Variants in ACACA observed in about 807,000 individuals in gnomAD.
ACACA encodes acetyl-CoA carboxylase alpha.
A neutral mutation model predicts 296.1 loss-of-function variants in ACACA; 103 were observed. The observed-to-expected ratio is 0.35, with a 90% confidence interval of 0.30 to 0.41. ACACA has a LOEUF of 0.41. Ranked by LOEUF, ACACA falls within the 10% of genes least tolerant of loss-of-function variation. The probability of loss-of-function intolerance (pLI) is 1.00; values close to 1 mark genes in which losing one functional copy is unlikely to be tolerated. For missense variants in ACACA, 1,554 were observed against 2,989.7 expected (o/e 0.52, Z 11.20); for synonymous variants, 953 against 1,038.6 (o/e 0.92, Z 1.58).
At chr17:37,148,900 A>G (rs181692614) in intron 45 of ACACA, among the ~76,000 whole-genome samples, 3 of 152,258 alleles carry the variant, frequency 2.0e-5, no homozygotes, top group Non-Finnish European at 2.9e-5. Context: ...TGAGCTCCAC[A>G]TTATTTAAAG....
intron 41 of ACACA, among the ~76,000 whole-genome samples, chr17:37,176,244 T>C (rs2077110913): frequency 6.6e-6 from 1 of 152,150 alleles, no homozygotes; most frequent in Non-Finnish European, 1.5e-5. Context: ...CATGTGCTAG[T>C]TTTCAAACTC....
intron 32 of ACACA, among the ~76,000 whole-genome samples, chr17:37,206,347 A>G (rs573037433): frequency 1.3e-5 from 2 of 152,370 alleles, no homozygotes; most frequent in African/African-American, 4.8e-5. Context: ...ACTGATAAAT[A>G]AAAAGAAATG....
intron 41 of ACACA, among the ~76,000 whole-genome samples, chr17:37,166,412 T>C (rs1479538094): frequency 2.0e-5 from 3 of 152,168 alleles, no homozygotes; most frequent in Non-Finnish European, 4.4e-5. Flanking sequence ...ATGCTGGGAT[T>C]ACAGGTGTGA....
intron 5 of ACACA, among the ~76,000 whole-genome samples, chr17:37,282,139 T>G (rs2082566754): frequency 6.6e-6 from 1 of 152,236 alleles, no homozygotes; most frequent in South Asian, 2.1e-4. Flanking sequence ...GGCAGCTCCC[T>G]CATGAATGGC....
At chr17:37,269,260 C>CA (rs1315895560) in intron 10 of ACACA, among the ~76,000 whole-genome samples, 1 of 152,132 alleles carries the variant, frequency 6.6e-6, no homozygotes, top group African/African-American at 2.4e-5. Flanking sequence ...AGGCATAAGC[C>CA]ACCAATCCTG....
chr17:37,277,103 A>G lies in ACACA; in HGVS notation c.732T>C (p.Ala244=). The change falls in exon 7 of 56, where the codon GCT becomes GCC. Residue 244 remains alanine (A), a synonymous_variant. Transcript: ENST00000616317. ...AKRIPVQAVW[A]GWGHASENPK... is the part of the protein sequence containing the mutation. ...GATTCTCAGAAGCATGACCCCAGCC[A>G]GCCCACACTGCCTGCAAGGGAATAC... 1 of 1,614,010 alleles carries G rather than the reference A, an allele frequency of 6.2e-7. No individual in the cohort carries two copies. The highest frequency in any genetic ancestry group is 8.5e-7 in the Non-Finnish European group (1 of 1,179,846).
In ACACA at chr17:37,330,300, T is replaced by G; in HGVS notation, c.211A>C (p.Ser71Arg). The change falls in exon 3 of 56, where the codon AGC becomes CGC. Residue 71 changes from serine to arginine, a missense_variant. By Grantham distance (110) the Ser-to-Arg change is moderately radical (BLOSUM62 -1). Around this residue, in one of 16 missense-constraint regions of ACACA, gnomAD observed 140 missense variants for 147.7 expected, o/e 0.95. Coordinates refer to ENST00000616317, the MANE Select transcript of ACACA (RefSeq NM_198834.3). ...VSEDNSEDEI[S>R]NLVKLDLLEE... ...AGTAGGTCCAACTTCACCAGGTTGC[T>G]GATCTCATCCTCTGAGTTATCTTCA... The G allele has an allele frequency of 6.2e-7, 1 of 1,614,244 alleles. No individual in the cohort carries two copies. Among genetic ancestry groups the G allele is most frequent in the Non-Finnish European group, 8.5e-7 (1 of 1,180,046 alleles).
chr17:37,325,728 T>A (rs545140771), intron 3 of ACACA, among the ~76,000 whole-genome samples: 14 of 151,776 alleles, frequency 9.2e-5, no homozygotes, highest in African/African-American at 3.4e-4. Context: ...GCATGTGCCA[T>A]CGTGCTCGGC....
intron 1 of ACACA, among the ~76,000 whole-genome samples, chr17:37,384,724 T>C (rs1042889765): frequency 6.6e-6 from 1 of 152,224 alleles, no homozygotes; most frequent in Non-Finnish European, 1.5e-5. Context: ...TGACTTTATG[T>C]CTGTCTCTGC....
intron 45 of ACACA, chr17:37,140,958 G>A (rs975627457): frequency 1.7e-4 from 60 of 350,098 alleles, no homozygotes; most frequent in South Asian, 1.1e-3. Flanking sequence ...GAATGGTGTG[G>A]GCCTTCTTCT....
At chr17:37,218,456 A>G (rs1327582023) in intron 29 of ACACA, among the ~76,000 whole-genome samples, 1 of 152,258 alleles carries the variant, frequency 6.6e-6, no homozygotes, top group African/African-American at 2.4e-5. Context: ...AATGTGGCCA[A>G]TAGAAAATTT....
intron 3 of ACACA, among the ~76,000 whole-genome samples, chr17:37,295,396 G>A (rs751436556): frequency 2.0e-5 from 3 of 152,210 alleles, no homozygotes; most frequent in Non-Finnish European, 2.9e-5. Flanking sequence ...TACCAGTGGA[G>A]GCTGTACAAG....
Position 37,330,223 on chromosome 17 carries a change from G to T in ACACA, c.288C>A (p.Leu96=), listed in dbSNP as rs773763206. The change falls in exon 3 of 56, where the codon CTC becomes CTA. Residue 96 remains leucine (L), a synonymous_variant. Transcript: ENST00000616317. ...LSPASVGSDT[L]SDLGISSLQD... ...GTAGGCTAGAGATCCCCAAATCAGA[G>T]AGTGTATCTGAGCCAACAGAAGCAG... The T allele has an allele frequency of 6.2e-7, 1 of 1,614,146 alleles. No homozygotes were observed. The highest frequency in any genetic ancestry group is 8.5e-7 in the Non-Finnish European group (1 of 1,180,008).
intron 1 of ACACA, among the ~76,000 whole-genome samples, chr17:37,405,487 T>C (rs78743061): frequency 0.049 from 7,384 of 152,236 alleles, 246 homozygotes; most frequent in Middle Eastern, 0.078. Flanking sequence ...CATAGGAAAA[T>C]GTCTGGAAGG....
Position 37,244,653 on chromosome 17 carries a change from C to A in ACACA, c.2677G>T (p.Val893Phe). The change falls in exon 21 of 56, where the codon GTC becomes TTC. Residue 893 changes from valine to phenylalanine, a missense_variant. This residue lies in a region of ACACA where 316 missense variants were observed against 540.9 expected (regional missense o/e 0.58). Coordinates refer to ENST00000616317, the MANE Select transcript of ACACA (RefSeq NM_198834.3). ...GEKLHRVFHY[V>F]LDNLVNVMNG... The stretch of plus-strand genomic sequence containing the variant: ...ATTACATTGACCAGATTATCCAGGA[C>A]ATAATGGAACACTCGATGGAGTTTC... 1 of 1,614,174 alleles carries A rather than the reference C, an allele frequency of 6.2e-7. No homozygotes were observed. Among genetic ancestry groups the A allele is most frequent in the Non-Finnish European group, 8.5e-7 (1 of 1,180,018 alleles).
intron 41 of ACACA, among the ~76,000 whole-genome samples, chr17:37,165,927 T>C (rs1379547091): frequency 6.6e-6 from 1 of 152,158 alleles, no homozygotes; most frequent in Non-Finnish European, 1.5e-5. Flanking sequence ...TCCTCCTGCC[T>C]AGGCCTCCCA....
intron 3 of ACACA, among the ~76,000 whole-genome samples, chr17:37,322,929 A>G (rs1407314420): frequency 1.3e-5 from 2 of 152,206 alleles, no homozygotes; most frequent in African/African-American, 4.8e-5. Context: ...TCATCCTTCG[A>G]GCCCACATGT....
At chr17:37,374,415 T>A (rs547199512) in intron 1 of ACACA, among the ~76,000 whole-genome samples, 1 of 152,016 alleles carries the variant, frequency 6.6e-6, no homozygotes, top group African/African-American at 2.4e-5. Flanking sequence ...GCCTCCCAAG[T>A]AGCTGGGATT....
intron 1 of ACACA, among the ~76,000 whole-genome samples, chr17:37,357,489 T>C (rs1234865472): frequency 6.6e-6 from 1 of 152,246 alleles, no homozygotes; most frequent in East Asian, 1.9e-4. Context: ...CAAGACTCCA[T>C]CTCAAACAAA....
Sources: allele counts gnomAD v4.1 joint callset (sites outside exome capture counted in the v4.1 genomes callset), GRCh38; gene constraint gnomAD v4.1.1; regional missense constraint gnomAD v4.1.1; transcripts MANE v1.5; gene names NCBI Gene and HGNC (gene_info 2026-07-23, HGNC 2026-07-21).